TSGA10: variants seen among roughly 807,000 people sequenced by gnomAD.
TSGA10 encodes testis-specific gene 10 protein.
In TSGA10, 43 loss-of-function variants were observed where a neutral mutation model predicts 96.6. The observed-to-expected ratio is 0.44, with a 90% CI of 0.35 to 0.57. The LOEUF (loss-of-function observed/expected upper bound fraction) is 0.57, where lower values mean the gene tolerates loss of function less well. Among genes scored for constraint, TSGA10 ranks in the 20% least tolerant of loss-of-function variants. TSGA10 has a pLI of 0.01. For missense variants in TSGA10, 703 were observed against 834.4 expected, an observed-to-expected ratio of 0.84 and a Z score of 1.94; for synonymous variants, 229 against 269.9, an observed-to-expected ratio of 0.85 and a Z score of 1.48.
chr2:99,097,644 AAAG>A (rs1359709988), intron 10 of TSGA10, among the ~76,000 whole-genome samples: 1 of 152,176 alleles, frequency 6.6e-6, no homozygotes, highest in Non-Finnish European at 1.5e-5. Context: ...CATCAATCCA[AAAG>A]AAGGCAAGAA....
At chr2:99,141,167 G>T in intron 1 of TSGA10, 1 of 1,257,944 alleles carries the variant, frequency 7.9e-7, no homozygotes, top group Non-Finnish European at 1.0e-6. Flanking sequence ...CTCGGCCTCA[G>T]CGGGGGATAC....
chr2:99,102,665 A>G (rs2090907015), intron 10 of TSGA10: 11 of 1,613,980 alleles, frequency 6.8e-6, no homozygotes, highest in Admixed American at 1.7e-5. Context: ...TCTATGGTGT[A>G]AAGTTCAGAA....
intron 18 of TSGA10, among the ~76,000 whole-genome samples, chr2:99,019,592 T>C (rs1255749246): frequency 6.6e-6 from 1 of 152,142 alleles, no homozygotes; most frequent in Non-Finnish European, 1.5e-5. Context: ...TCCTTCCCCA[T>C]GTCCTGACCT....
At position 99,020,443 on chromosome 2, in the gene TSGA10, G is replaced by A. The variant is rs1238918107; in HGVS notation, c.1654C>T (p.Leu552Phe). Residue 552 changes from leucine to phenylalanine, a missense_variant, in exon 18 of 21, where the codon CTC becomes TTC. Leu to Phe is a conservative substitution (Grantham distance 22, BLOSUM62 0). Transcript: ENST00000393483. ...ELDSAHSEIELLRSQMANERI... is the reference protein window; with the variant it reads ...ELDSAHSEIEFLRSQMANERI... ...TCATTTGCCATCTGACTCCTCAGGA[G>A]TTCAATTTCAGAATGAGCAGAATCT... The A allele has an allele frequency of 2.5e-6, 4 of 1,613,692 alleles. No individual in the cohort carries two copies. Among genetic ancestry groups the A allele is most frequent in the Non-Finnish European group, 3.4e-6 (4 of 1,179,780 alleles).
chr2:99,147,281 G>A (rs1306533947), intron 1 of TSGA10: 7 of 522,754 alleles, frequency 1.3e-5, no homozygotes, highest in Admixed American at 9.8e-5. Flanking sequence ...AATTACAGGC[G>A]TGAGCCATTG....
rs1034185786 is a variant in TSGA10 at position 99,066,396 on chromosome 2, G to A, written c.1219-1272C>T. Reference sequence around the variant, plus strand: ...GGGTGCTTGTACAATATACTTAAACGAATTGTATTCACATTGATCTTTACC... The same window carrying A: ...GGGTGCTTGTACAATATACTTAAACAAATTGTATTCACATTGATCTTTACC... On this transcript the variant is annotated intron_variant, in intron 15 of 20. Transcript: ENST00000393483. Among the ~76,000 whole-genome samples the A allele has an allele frequency of 7.9e-5, 12 of 152,190 alleles. No homozygotes were observed. The East Asian group carries it at 1.9e-3, about 25-fold the overall frequency.
intron 10 of TSGA10, among the ~76,000 whole-genome samples, chr2:99,088,169 TAA>T (rs2088798932): frequency 6.6e-6 from 1 of 152,228 alleles, no homozygotes; most frequent in South Asian, 2.1e-4. Flanking sequence ...CCTATGAATC[TAA>T]GAGAGATGAT....
chr2:99,033,709 G>T (rs1173267687), intron 17 of TSGA10, among the ~76,000 whole-genome samples: 1 of 151,988 alleles, frequency 6.6e-6, no homozygotes, highest in Non-Finnish European at 1.5e-5. Flanking sequence ...GTGTGGTGGT[G>T]GGCACCTGTA....
chr2:99,000,743 T>C (rs1441291454), intron 20 of TSGA10, among the ~76,000 whole-genome samples: 1 of 152,072 alleles, frequency 6.6e-6, no homozygotes, highest in African/African-American at 2.4e-5. Context: ...GGGAATTCCC[T>C]TTCCTAGTGC....
At chr2:99,123,472 T>G (rs2092682669) in intron 2 of TSGA10, among the ~76,000 whole-genome samples, 1 of 152,202 alleles carries the variant, frequency 6.6e-6, no homozygotes, top group Non-Finnish European at 1.5e-5. Context: ...TCCATTCTAT[T>G]GAGAACATTG....
At chr2:99,049,831 G>A (rs183216567) in intron 16 of TSGA10, among the ~76,000 whole-genome samples, 65 of 151,924 alleles carry the variant, frequency 4.3e-4, no homozygotes, top group Non-Finnish European at 7.5e-4. Flanking sequence ...ACTAAAGGAA[G>A]TTCTTCAAAC....
chr2:99,089,789 T>C (rs1160000774), intron 10 of TSGA10, among the ~76,000 whole-genome samples: 1 of 152,104 alleles, frequency 6.6e-6, no homozygotes, highest in Admixed American at 6.6e-5. Context: ...CTGACATGAC[T>C]AACCCTGCCC....
rs776140385 is a variant in TSGA10, at chr2:99,042,851, G to A, written c.1405-7412C>T. ...CTCAAGTAGCTGGGATTACAGGCAT[G>A]CACCATCATGCCCGGCTAATTTTTT... On this transcript the variant is annotated intron_variant, in intron 16 of 20. Transcript: ENST00000393483. Among the ~76,000 whole-genome samples the A allele has an allele frequency of 2.0e-5, 3 of 151,916 alleles. 1 individual carries two copies. In the South Asian group the frequency reaches 6.2e-4, roughly 31 times the overall value.
At chr2:99,024,785 C>G (rs560946184) in intron 17 of TSGA10, among the ~76,000 whole-genome samples, 1 of 152,248 alleles carries the variant, frequency 6.6e-6, no homozygotes, top group East Asian at 1.9e-4. Context: ...GGGTTTTTCA[C>G]AGGTGCCCTT....
chr2:99,154,948 G>A (rs1176519172), upstream of TSGA10: 3 of 453,936 alleles, frequency 6.6e-6, no homozygotes, highest in South Asian at 4.7e-5. Context: ...CCCTCAGGGG[G>A]CGGGGCAGCA....
At chr2:99,102,580 T>C (rs2090897538) in intron 10 of TSGA10, 1 of 1,614,100 alleles carries the variant, frequency 6.2e-7, no homozygotes, top group South Asian at 1.1e-5. Context: ...TCAGATATGA[T>C]TATGGAACTT....
intron 2 of TSGA10, among the ~76,000 whole-genome samples, chr2:99,119,306 T>A (rs187825900): frequency 3.3e-5 from 5 of 152,206 alleles, no homozygotes; most frequent in Admixed American, 3.3e-4. Flanking sequence ...TACTCTCTTC[T>A]CTTTTGGCCT....
At chr2:99,029,304 A>G (rs971243428) in intron 17 of TSGA10, among the ~76,000 whole-genome samples, 2 of 152,214 alleles carry the variant, frequency 1.3e-5, no homozygotes, top group Non-Finnish European at 2.9e-5. Context: ...TGTTCTCAAA[A>G]TTCCTTGAGA....
At chr2:99,152,574 G>GT (rs1252260224) in intron 1 of TSGA10, among the ~76,000 whole-genome samples, 1 of 152,118 alleles carries the variant, frequency 6.6e-6, no homozygotes. Flanking sequence ...ATGGGAAAGC[G>GT]TATCTCAGGA....
Sources: gnomAD v4.1 joint callset for allele counts (sites outside exome capture counted in the v4.1 genomes callset) on GRCh38, gnomAD v4.1.1 for gene constraint, MANE v1.5 for transcripts, NCBI Gene and HGNC (gene_info 2026-07-23, HGNC 2026-07-21) for gene names.